Variants in LACTB2 observed in about 807,000 individuals in gnomAD.
The protein encoded by LACTB2 is endoribonuclease LACTB2.
In LACTB2, 32 loss-of-function variants were observed where a neutral mutation model predicts 34.8. The observed-to-expected ratio is 0.92, with a 90% confidence interval of 0.69 to 1.24. The LOEUF is 1.24. Ranked by LOEUF, LACTB2 falls within the 50% of genes most tolerant of loss-of-function variation. The pLI, the probability that LACTB2 is intolerant of heterozygous loss-of-function variation, is 0.00. For missense variants in LACTB2, 320 were observed against 345.0 expected (o/e 0.93, Z 0.57); for synonymous variants, 120 against 117.5 (o/e 1.02, Z -0.14).
At chr8:70,641,724 A>G (rs930340687) in intron 4 of LACTB2, among the ~76,000 whole-genome samples, 2 of 152,214 alleles carry the variant, frequency 1.3e-5, no homozygotes, top group African/African-American at 4.8e-5. Context: ...AATTTTGACA[A>G]CCCAGATTAA....
At chr8:70,644,564 T>G (rs268631) in intron 3 of LACTB2, among the ~76,000 whole-genome samples, 2 of 152,136 alleles carry the variant, frequency 1.3e-5, no homozygotes, top group Non-Finnish European at 2.9e-5. Flanking sequence ...CTCAATCTTC[T>G]GGGCCCAAGT....
chr8:70,654,407 T>C (rs140099039), intron 3 of LACTB2, among the ~76,000 whole-genome samples: 1 of 151,952 alleles, frequency 6.6e-6, no homozygotes, highest in Non-Finnish European at 1.5e-5. Flanking sequence ...TTATCTTGTA[T>C]GCAGCGAGAG....
At chr8:70,664,791 G>C (rs765828786) in intron 1 of LACTB2, among the ~76,000 whole-genome samples, 5 of 152,080 alleles carry the variant, frequency 3.3e-5, no homozygotes, top group Non-Finnish European at 5.9e-5. Context: ...ATCAACTCTA[G>C]GGAGGTATTA....
rs1295153751 is a variant in LACTB2 at position 70,641,018 on chromosome 8, T to C, written c.625A>G (p.Lys209Glu). Residue 209 changes from lysine (K) to glutamate (E), a missense_variant, in exon 5 of 7, where the codon AAA becomes GAA. Coordinates refer to ENST00000276590, the MANE Select transcript of LACTB2 (RefSeq NM_016027.3). ...CTGTGAGAAATGTATTGTTGAATTTTAGCTTCAGCATTATGAATTACTGGG... is the reference window on the plus strand; with the variant it reads ...CTGTGAGAAATGTATTGTTGAATTTCAGCTTCAGCATTATGAATTACTGGG... ...HGPVIHNAEA[K>E]IQQYISHRNI... The C allele has an allele frequency of 6.2e-7, 1 of 1,604,876 alleles. No individual in the cohort carries two copies.
intron 3 of LACTB2, among the ~76,000 whole-genome samples, chr8:70,648,576 AG>A (rs2132073019): frequency 6.6e-6 from 1 of 152,264 alleles, no homozygotes; most frequent in East Asian, 1.9e-4. Context: ...AAAATGAGAG[AG>A]AAAAAAATAA....
rs202171909 is a variant in LACTB2, at chr8:70,644,039, T to C, written c.592+26A>G. On this transcript the variant is annotated intron_variant, in intron 4 of 6. Coordinates refer to ENST00000276590, the MANE Select transcript of LACTB2 (RefSeq NM_016027.3). ...TTGTCTCTATTTAAAAACATAAAAATATAAAAAAATTTAAAAATTACCCAC... is the reference window on the plus strand; with the variant it reads ...TTGTCTCTATTTAAAAACATAAAAACATAAAAAAATTTAAAAATTACCCAC... 91 of 1,477,752 alleles carry C rather than the reference T, an allele frequency of 6.2e-5. No homozygotes were observed. The African/African-American group carries it at 1.1e-3, about 18-fold the overall frequency. The allele number at this position is 1,477,752 out of a possible 1,614,324, so 91.5% of individuals were successfully genotyped here.
At chr8:70,667,216 G>A (rs868864891) in intron 1 of LACTB2, among the ~76,000 whole-genome samples, 3 of 152,194 alleles carry the variant, frequency 2.0e-5, no homozygotes, top group Non-Finnish European at 4.4e-5. Context: ...GGAGGGAGTC[G>A]TCAATGGTGT....
intron 1 of LACTB2, 139 bp from the exon 2 acceptor site, chr8:70,662,036 T>C: frequency 1.5e-6 from 1 of 674,352 alleles, no homozygotes; most frequent in Non-Finnish European, 2.4e-6. Context: ...GCTACATCAC[T>C]TCAGCTTAAC....
intron 3 of LACTB2, among the ~76,000 whole-genome samples, chr8:70,648,164 C>T (rs753580729): frequency 1.3e-5 from 2 of 152,144 alleles, no homozygotes; most frequent in East Asian, 1.9e-4. Context: ...TACAGTGAGG[C>T]CTAAAGCCTA....
Position 70,652,611 on chromosome 8 carries a change from G to C in LACTB2, c.413+5145C>G, listed in dbSNP as rs1818356481. On this transcript the variant is annotated intron_variant, in intron 3 of 6. Coordinates refer to ENST00000276590, the MANE Select transcript of LACTB2 (RefSeq NM_016027.3). ...AAATCCTTGGCATCAATTCACTCCA[G>C]GAATCCAAGACAGTACTCAACTGAA... The C allele has an allele frequency of 2.6e-5, 4 of 152,144 alleles. No individual in the cohort carries two copies. In the South Asian group the frequency reaches 8.3e-4, roughly 32 times the overall value. The allele number at this position is 152,144 out of a possible 1,614,324, so 9.4% of individuals were successfully genotyped here. A position where few individuals can be genotyped will look rare whatever the true frequency, so the allele number is the denominator to read the frequency against.
Position 70,645,601 on chromosome 8 carries a change from C to T in LACTB2, c.414-1358G>A, listed in dbSNP as rs4738098. Among the ~76,000 whole-genome samples, 410 of 151,060 alleles carry T rather than the reference C, an allele frequency of 2.7e-3. 4 individuals carry two copies. Among genetic ancestry groups the T allele is most frequent in the East Asian group, 0.021 (105 of 5,102 alleles). On this transcript the variant is annotated intron_variant, in intron 3 of 6. Transcript: ENST00000276590. ...TGTTGGTGTGCTGCACCCAGTAACT[C>T]GTCATTTAACATTAGGTATATCTCC...
rs1818232874 is a variant in LACTB2, at chr8:70,644,064, C to A, written c.592+1G>T. The A allele has an allele frequency of 6.5e-7, 1 of 1,544,038 alleles. No individual in the cohort carries two copies. The highest frequency in any genetic ancestry group is 8.7e-7 in the Non-Finnish European group (1 of 1,149,054). On this transcript the variant is annotated splice_donor_variant, in intron 4 of 6. Transcript: ENST00000276590. LOFTEE classifies it high-confidence loss of function. ...TATAAAAAAATTTAAAAATTACCCA[C>A]CTGGATATATAATATCAGCTTTGAT... is the stretch of plus-strand genomic sequence containing the variant.
intron 1 of LACTB2, chr8:70,662,676 T>C (rs1051676816): frequency 1.3e-5 from 2 of 149,986 alleles, no homozygotes; most frequent in African/African-American, 4.9e-5. Flanking sequence ...GGGGGTGACA[T>C]GTTCCTCAAG....
At chr8:70,640,086 G>A (rs1311500278) in intron 5 of LACTB2, among the ~76,000 whole-genome samples, 2 of 152,056 alleles carry the variant, frequency 1.3e-5, no homozygotes, top group Non-Finnish European at 2.9e-5. Flanking sequence ...TCAACCACCC[G>A]AGCAGCTGGG....
intron 2 of LACTB2, among the ~76,000 whole-genome samples, chr8:70,659,154 G>T (rs1818451336): frequency 6.6e-6 from 1 of 152,206 alleles, no homozygotes; most frequent in East Asian, 1.9e-4. Context: ...GATAAGCTCA[G>T]ATCAGAAAGG....
chr8:70,637,997 C>T, intron 6 of LACTB2, 94 bp from the exon 7 acceptor site: 1 of 663,182 alleles, frequency 1.5e-6, no homozygotes, highest in Non-Finnish European at 2.4e-6. Context: ...AGCATTCATT[C>T]TTAAAATAAT....
At chr8:70,645,085 C>T (rs1476416594) in intron 3 of LACTB2, among the ~76,000 whole-genome samples, 6 of 151,880 alleles carry the variant, frequency 4.0e-5, no homozygotes, top group Admixed American at 3.9e-4. Flanking sequence ...CACATATACA[C>T]ATATATACAT....
At chr8:70,650,630 TA>T (rs1252140363) in intron 3 of LACTB2, among the ~76,000 whole-genome samples, 5 of 146,184 alleles carry the variant, frequency 3.4e-5, no homozygotes, top group African/African-American at 1.3e-4. Flanking sequence ...CTCAGGAGTC[TA>T]AGGCAAGAGA....
Position 70,638,537 on chromosome 8 carries a change from A to G in LACTB2, c.823+11T>C. On this transcript the variant is annotated intron_variant, in intron 6 of 6. Transcript: ENST00000276590. ...TGCTGGTAATAGAAGAAAATTTGGA[A>G]GCATACTCACATATTTTTCCTTCTT... 6.5e-7 allele frequency: 1 copy of G among 1,527,572 alleles called. No homozygotes were observed. The highest frequency in any genetic ancestry group is 1.7e-4 in the Middle Eastern group (1 of 5,798). 94.6% of individuals were successfully genotyped at this position (1,527,572 alleles called of 1,614,324 possible).
Sources: gnomAD v4.1 joint callset for allele counts (sites outside exome capture counted in the v4.1 genomes callset) on GRCh38, gnomAD v4.1.1 for gene constraint, MANE v1.5 for transcripts, NCBI Gene and HGNC (gene_info 2026-07-23, HGNC 2026-07-21) for gene names.